SYNJ2BP: variants seen among roughly 807,000 people sequenced by gnomAD.
The protein encoded by SYNJ2BP is synaptojanin 2 binding protein.
SYNJ2BP carries 10 observed loss-of-function variants against 16.9 expected under a neutral mutation model. That is an observed-to-expected ratio of 0.59 (90% CI 0.36 to 1.00). SYNJ2BP has a LOEUF of 1.00. Ranked by LOEUF, SYNJ2BP falls within the 50% of genes least tolerant of loss-of-function variation. The pLI is 0.01. For synonymous variants in SYNJ2BP, 54 were observed against 68.4 expected (o/e 0.79, Z 1.04); for missense variants, 162 against 186.7 (o/e 0.87, Z 0.77).
chr14:70,377,114 C>T (rs1461693533), intron 2 of SYNJ2BP, among the ~76,000 whole-genome samples: 1 of 152,224 alleles, frequency 6.6e-6, no homozygotes, highest in Non-Finnish European at 1.5e-5. Flanking sequence ...ATATCTCAAA[C>T]TCTTAAAAAC....
At chr14:70,383,960 ATTTT>A (rs34105178) in intron 2 of SYNJ2BP, among the ~76,000 whole-genome samples, 1 of 144,072 alleles carries the variant, frequency 6.9e-6, no homozygotes, top group Non-Finnish European at 1.5e-5. Flanking sequence ...AGAGGAAACT[ATTTT>A]TTTTTTTTTT....
chr14:70,415,338 A>T (rs1165249349), intron 1 of SYNJ2BP, among the ~76,000 whole-genome samples: 1 of 151,100 alleles, frequency 6.6e-6, no homozygotes, highest in Admixed American at 6.6e-5. Context: ...TAAACTCAGG[A>T]GTTTAAATGA....
At chr14:70,408,119 A>T (rs1449632007) in intron 1 of SYNJ2BP, among the ~76,000 whole-genome samples, 6 of 144,334 alleles carry the variant, frequency 4.2e-5, no homozygotes, top group Non-Finnish European at 7.6e-5. Flanking sequence ...TTTTTTTTGG[A>T]GGAGGGGGAA....
At position 70,388,499 on chromosome 14, in the gene SYNJ2BP, G is replaced by A. The variant is rs776765835; in HGVS notation, c.172C>T (p.Arg58Trp). 3 of 1,588,092 alleles carry A rather than the reference G, an allele frequency of 1.9e-6. No individual in the cohort carries two copies. The highest frequency in any genetic ancestry group is 1.4e-5 in the African/African-American group (1 of 73,248). ...KENGAAALDG[R>W]LQEGDKILSV... ...AGGATCTTATCACCCTCCTGGAGCC[G>A]CCCATCCAGGGCCGCAGCCCCATTT... The change falls in exon 2 of 4, where the codon CGG becomes TGG. Residue 58 changes from arginine to tryptophan, a missense_variant. Transcript: ENST00000256366.
chr14:70,386,262 G>A (rs1887856570), intron 2 of SYNJ2BP, among the ~76,000 whole-genome samples: 3 of 152,104 alleles, frequency 2.0e-5, no homozygotes, highest in African/African-American at 7.2e-5. Flanking sequence ...TCTTTCCTTG[G>A]GAGCTAAAGG....
chr14:70,408,483 C>G (rs879843303), intron 1 of SYNJ2BP, among the ~76,000 whole-genome samples: 3 of 152,044 alleles, frequency 2.0e-5, no homozygotes, highest in Non-Finnish European at 4.4e-5. Flanking sequence ...CCAGCCTGGC[C>G]AACATGGTGA....
chr14:70,386,381 T>C (rs1887859392), intron 2 of SYNJ2BP, among the ~76,000 whole-genome samples: 1 of 152,228 alleles, frequency 6.6e-6, no homozygotes, highest in Non-Finnish European at 1.5e-5. Context: ...CTTAATGGAC[T>C]GAAGAGAGGC....
intron 2 of SYNJ2BP, among the ~76,000 whole-genome samples, chr14:70,381,397 G>A (rs1185126671): frequency 1.3e-5 from 2 of 152,148 alleles, no homozygotes; most frequent in Non-Finnish European, 2.9e-5. Context: ...CTTTCTTAAA[G>A]AACCCTTTCG....
chr14:70,409,727 CT>C (rs1353633344), intron 1 of SYNJ2BP, among the ~76,000 whole-genome samples: 1 of 152,190 alleles, frequency 6.6e-6, no homozygotes, highest in Non-Finnish European at 1.5e-5. Flanking sequence ...CATCCTCATT[CT>C]CTCTTTCTCA....
intron 2 of SYNJ2BP, among the ~76,000 whole-genome samples, chr14:70,381,568 T>G (rs1429851646): frequency 2.6e-5 from 4 of 152,226 alleles, no homozygotes. Context: ...CACCAAGTTC[T>G]GTAGATTTCA....
At chr14:70,406,869 C>T (rs1888355476) in intron 1 of SYNJ2BP, among the ~76,000 whole-genome samples, 1 of 152,188 alleles carries the variant, frequency 6.6e-6, no homozygotes, top group Non-Finnish European at 1.5e-5. Flanking sequence ...AATAAAACTC[C>T]AGTCTCCTGT....
intron 1 of SYNJ2BP, among the ~76,000 whole-genome samples, chr14:70,397,805 C>T (rs1356629531): frequency 6.6e-6 from 1 of 152,206 alleles, no homozygotes; most frequent in Non-Finnish European, 1.5e-5. Flanking sequence ...CTCTCTTAGC[C>T]TCACCATTCG....
Position 70,369,591 on chromosome 14 carries a change from C to A in SYNJ2BP, c.*3400G>T, listed in dbSNP as rs150211831. Reference sequence around the variant, plus strand: ...TCTCTCATTTTTAGTCTCTTTGTGACAATACTTAGATCCCAGAGTTATGAG... The same window carrying A: ...TCTCTCATTTTTAGTCTCTTTGTGAAAATACTTAGATCCCAGAGTTATGAG... On this transcript the variant is annotated 3_prime_UTR_variant, in exon 4 of 4. Transcript: ENST00000256366. 1 of 152,280 alleles carries A rather than the reference C, an allele frequency of 6.6e-6. No individual in the cohort carries two copies. The highest frequency in any genetic ancestry group is 2.4e-5 in the African/African-American group (1 of 41,564). The allele number at this position is 152,280 out of a possible 1,614,324, so 9.4% of individuals were successfully genotyped here. A position where few individuals can be genotyped will look rare whatever the true frequency, so the allele number is the denominator to read the frequency against.
intron 1 of SYNJ2BP, among the ~76,000 whole-genome samples, chr14:70,398,610 G>C (rs902020768): frequency 7.2e-5 from 11 of 152,174 alleles, no homozygotes; most frequent in Non-Finnish European, 2.9e-5. Flanking sequence ...AGCAGGGAGA[G>C]GCCAGGCAGC....
chr14:70,380,238 C>T (rs916380899), intron 2 of SYNJ2BP, among the ~76,000 whole-genome samples: 9 of 152,284 alleles, frequency 5.9e-5, no homozygotes, highest in African/African-American at 2.2e-4. Context: ...AAACACTAAT[C>T]TATATGAATT....
chr14:70,412,520 C>T (rs961153549), intron 1 of SYNJ2BP, among the ~76,000 whole-genome samples: 1 of 5,074 alleles, frequency 2.0e-4, no homozygotes, highest in African/African-American at 3.7e-4. Flanking sequence ...AGTATATATA[C>T]AGTATATATG....
chr14:70,412,548 CAGTATATATATGTATGTAT>C (rs1257811711), intron 1 of SYNJ2BP, among the ~76,000 whole-genome samples: 82 of 145,362 alleles, frequency 5.6e-4, no homozygotes, highest in African/African-American at 2.0e-3. Context: ...AGTATATATA[CAGTATATATATGTATGTAT>C]AGTATATATA....
intron 1 of SYNJ2BP, among the ~76,000 whole-genome samples, chr14:70,408,234 A>G (rs1391233267): frequency 1.3e-5 from 2 of 151,936 alleles, no homozygotes; most frequent in East Asian, 3.9e-4. Context: ...AGCTTACCCT[A>G]CCCTTCCTAG....
rs1035000774 is a variant in SYNJ2BP at position 70,370,556 on chromosome 14, C to G, written c.*2435G>C. The stretch of plus-strand genomic sequence containing the variant: ...TAGTGACCCAGAGGCAAGGTCTTAC[C>G]GGACCTCTTATTTTCAAAAGCCTTC... On this transcript the variant is annotated 3_prime_UTR_variant, in exon 4 of 4. Transcript: ENST00000256366. 1 of 152,100 alleles carries G rather than the reference C, an allele frequency of 6.6e-6. No homozygotes were observed. The highest frequency in any genetic ancestry group is 1.5e-5 in the Non-Finnish European group (1 of 68,028). 9.4% of individuals were successfully genotyped at this position (152,100 alleles called of 1,614,324 possible). A position where few individuals can be genotyped will look rare whatever the true frequency, so the allele number is the denominator to read the frequency against.
Sources: allele counts gnomAD v4.1 joint callset (sites outside exome capture counted in the v4.1 genomes callset), GRCh38; gene constraint gnomAD v4.1.1; transcripts MANE v1.5; gene names NCBI Gene and HGNC (gene_info 2026-07-23, HGNC 2026-07-21).